Variants in MVB12A observed in about 807,000 individuals in gnomAD.
The protein encoded by MVB12A is CIN85/CD2AP family binding protein.
Under a neutral mutation model 34.3 loss-of-function variants are expected in MVB12A, and 30 were observed. That is an observed-to-expected ratio of 0.88 (90% confidence interval 0.65 to 1.19). MVB12A has a LOEUF of 1.19. Ranked by LOEUF, MVB12A falls within the 50% of genes most tolerant of loss-of-function variation. MVB12A has a pLI of 0.00. For synonymous variants in MVB12A, 158 were observed against 158.9 expected (o/e 0.99, Z 0.04); for missense variants, 355 against 369.2 (o/e 0.96, Z 0.31).
At chr19:17,418,374 G>C (rs1408700659), upstream of MVB12A, 2 of 67,308 alleles carry the variant, frequency 3.0e-5, no homozygotes, top group Admixed American at 1.9e-4. Flanking sequence ...GTGTAAAAAA[G>C]CATATTATTA....
At chr19:17,410,533 C>CACATACATATATAT (rs1568387406) in intron 2 of MVB12A, among the ~76,000 whole-genome samples, 17 of 59,894 alleles carry the variant, frequency 2.8e-4, no homozygotes, top group African/African-American at 1.3e-3. Context: ...TATATATACA[C>CACATACATATATAT]ACACACATAT....
At chr19:17,421,021 C>A in intron 3 of MVB12A, 1 of 469,962 alleles carries the variant, frequency 2.1e-6, no homozygotes, top group Non-Finnish European at 4.2e-6. Flanking sequence ...GTAGCTCATT[C>A]TCCGTCCTCC....
At chr19:17,419,972 C>A, upstream of MVB12A, 1 of 419,368 alleles carries the variant, frequency 2.4e-6, no homozygotes, top group Non-Finnish European at 4.1e-6. Context: ...CATTGGCCAG[C>A]AGCTCCTCGG....
intron 2 of MVB12A, among the ~76,000 whole-genome samples, chr19:17,410,056 C>A (rs2074754743): frequency 6.6e-6 from 1 of 152,072 alleles, no homozygotes; most frequent in East Asian, 1.9e-4. Context: ...CACGCCCGGC[C>A]TTCCATTACT....
At chr19:17,417,213 CTTTTTTTTT>C (rs35583565), upstream of MVB12A, 684 of 97,046 alleles carry the variant, frequency 7.0e-3, 7 homozygotes, top group Middle Eastern at 0.03. Flanking sequence ...TCACCCAGAG[CTTTTTTTTT>C]TTTTTTTTTT....
chr19:17,423,459 A>G, intron 4 of MVB12A, 39 bp from the exon 5 acceptor site: 5 of 1,600,522 alleles, frequency 3.1e-6, no homozygotes, highest in Non-Finnish European at 4.3e-6. Context: ...CTGGCCCCAC[A>G]CCGGGCCAGC....
chr19:17,409,441 CTTTTTT>C (rs781196057), intron 2 of MVB12A, among the ~76,000 whole-genome samples: 8 of 78,226 alleles, frequency 1.0e-4, no homozygotes, highest in African/African-American at 3.4e-4. Context: ...TCTGCCATTA[CTTTTTT>C]TTTTTTTTTT....
At chr19:17,409,758 G>GT (rs2074752578) in intron 2 of MVB12A, among the ~76,000 whole-genome samples, 2 of 150,798 alleles carry the variant, frequency 1.3e-5, no homozygotes, top group Non-Finnish European at 3.0e-5. Context: ...GCCTTTTTTT[G>GT]TTTTTTTCTT....
intron 2 of MVB12A, among the ~76,000 whole-genome samples, chr19:17,410,327 C>T (rs1435565406): frequency 6.6e-6 from 1 of 150,490 alleles, no homozygotes; most frequent in Non-Finnish European, 1.5e-5. Context: ...TGCACCACCA[C>T]GCCCAGCTAA....
chr19:17,412,141 G>T (rs2074773072), intron 2 of MVB12A, among the ~76,000 whole-genome samples: 3 of 152,202 alleles, frequency 2.0e-5, no homozygotes, highest in Admixed American at 1.3e-4. Flanking sequence ...CACCAGACGT[G>T]ACAAGCCCTG....
At chr19:17,406,602 A>G (rs1323318647) in intron 2 of MVB12A, among the ~76,000 whole-genome samples, 1 of 151,486 alleles carries the variant, frequency 6.6e-6, no homozygotes, top group Non-Finnish European at 1.5e-5. Context: ...GGCCTGGGGA[A>G]CTCCCCCCAG....
At chr19:17,415,060 G>A (rs963722019), upstream of MVB12A, 3 of 151,714 alleles carry the variant, frequency 2.0e-5, no homozygotes, top group African/African-American at 7.3e-5. Context: ...TTGGTGGTGC[G>A]AGCCTGTAAT....
chr19:17,413,826 C>T (rs949067689), intron 2 of MVB12A, among the ~76,000 whole-genome samples: 16 of 152,148 alleles, frequency 1.1e-4, no homozygotes, highest in Non-Finnish European at 2.2e-4. Flanking sequence ...AAGTGCTTAG[C>T]TTAGCACTTT....
upstream of MVB12A, chr19:17,419,011 G>A (rs945652095): frequency 6.6e-6 from 1 of 151,260 alleles, no homozygotes; most frequent in Non-Finnish European, 1.5e-5. Context: ...CCACAAACTG[G>A]AACAGACGAC....
chr19:17,419,616 GT>G (rs2074822212), upstream of MVB12A: 1 of 152,462 alleles, frequency 6.6e-6, no homozygotes, highest in African/African-American at 2.4e-5. Context: ...TAGAGAAGGG[GT>G]TTCACCACGT....
chr19:17,410,126 C>T (rs558802618), intron 2 of MVB12A, among the ~76,000 whole-genome samples: 37 of 152,080 alleles, frequency 2.4e-4, no homozygotes, highest in Non-Finnish European at 3.5e-4. Flanking sequence ...CAATTACTTT[C>T]GCAATAAAAT....
chr19:17,412,246 TTCTCTCTCTTTTGCTCTTTC>T (rs977828518), intron 2 of MVB12A, among the ~76,000 whole-genome samples: 2 of 152,132 alleles, frequency 1.3e-5, no homozygotes, highest in African/African-American at 4.8e-5. Context: ...CTGCTTTTCT[TTCTCTCTCTTTTGCTCTTTC>T]TCTCTCTCTT....
At position 17,420,227 on chromosome 19, in the gene MVB12A, T is replaced by C. The variant is rs771212419; in HGVS notation, c.90+2T>C. The C allele has an allele frequency of 2.7e-6, 4 of 1,493,292 alleles. No individual in the cohort carries two copies. The allele number at this position is 1,493,292 out of a possible 1,614,324, so 92.5% of individuals were successfully genotyped here. ...CCCCCGCCGCGGGGGTTCAGCGCGG[T>C]GAGCGGCGTCGAGGGGCGGGGGTCG... is the stretch of plus-strand genomic sequence containing the variant. On this transcript the variant is annotated splice_donor_variant, in intron 1 of 8. Transcript: ENST00000317040. LOFTEE classifies it high-confidence loss of function.
upstream of MVB12A, chr19:17,415,426 C>T (rs2074793232): frequency 6.6e-6 from 1 of 152,228 alleles, no homozygotes; most frequent in Admixed American, 6.6e-5. Flanking sequence ...AGCATAACAA[C>T]ATAAAGCCTT....
Sources: gnomAD v4.1 joint callset for allele counts (sites outside exome capture counted in the v4.1 genomes callset) on GRCh38, gnomAD v4.1.1 for gene constraint, MANE v1.5 for transcripts, NCBI Gene and HGNC (gene_info 2026-07-23, HGNC 2026-07-21) for gene names.